Variants in SGIP1 observed in about 807,000 individuals in gnomAD.
The protein encoded by SGIP1 is SH3GL interacting endocytic adaptor 1, also known as SH3-containing GRB2-like protein 3-interacting protein 1.
SGIP1 carries 38 observed loss-of-function variants against 107.5 expected under a neutral mutation model. The observed-to-expected ratio is 0.35, with a 90% CI of 0.27 to 0.46. The LOEUF is 0.46. Among genes scored for constraint, SGIP1 ranks in the 20% least tolerant of loss-of-function variants. SGIP1 has a pLI of 1.00. For missense variants in SGIP1, 929 were observed against 1,019.5 expected, an observed-to-expected ratio of 0.91 and a Z score of 1.21; for synonymous variants, 365 against 366.1, an observed-to-expected ratio of 1.00 and a Z score of 0.03.
chr1:66,569,280 G>T (rs760587271), intron 1 of SGIP1, among the ~76,000 whole-genome samples: 7 of 151,968 alleles, frequency 4.6e-5, no homozygotes, highest in Non-Finnish European at 1.0e-4. Flanking sequence ...AGTAGTGAGA[G>T]AGAACATCCT....
At chr1:66,619,859 T>C (rs543195063) in intron 1 of SGIP1, among the ~76,000 whole-genome samples, 24 of 152,294 alleles carry the variant, frequency 1.6e-4, no homozygotes, top group African/African-American at 5.8e-4. Context: ...TTCATTTGTA[T>C]GGAGAAAAAT....
chr1:66,729,747 T>G (rs1465114835), intron 20 of SGIP1, among the ~76,000 whole-genome samples: 1 of 152,204 alleles, frequency 6.6e-6, no homozygotes, highest in Non-Finnish European at 1.5e-5. Context: ...ATGACAATGG[T>G]GGGAAATGAG....
chr1:66,545,446 A>G (rs2056152850), intron 1 of SGIP1, among the ~76,000 whole-genome samples: 1 of 152,212 alleles, frequency 6.6e-6, no homozygotes, highest in Non-Finnish European at 1.5e-5. Context: ...AGTCAGGCTG[A>G]TCCAGCTTAA....
chr1:66,679,230 A>C (rs2086089984), intron 13 of SGIP1, among the ~76,000 whole-genome samples: 2 of 152,204 alleles, frequency 1.3e-5, no homozygotes, highest in Admixed American at 6.5e-5. Context: ...AACCCCTCAC[A>C]GGAGCCCCCA....
intron 18 of SGIP1, chr1:66,704,760 T>G (rs750943540): frequency 6.6e-6 from 1 of 152,196 alleles, no homozygotes; most frequent in Non-Finnish European, 1.5e-5. Context: ...GAAGAAAGTA[T>G]ACTAGTGATT....
intron 1 of SGIP1, among the ~76,000 whole-genome samples, chr1:66,604,860 C>CTTAGTTT (rs1349908569): frequency 3.3e-5 from 5 of 152,182 alleles, no homozygotes; most frequent in Non-Finnish European, 7.3e-5. Flanking sequence ...CAATCATTCA[C>CTTAGTTT]TTAGTTTTTC....
intron 7 of SGIP1, among the ~76,000 whole-genome samples, chr1:66,657,188 A>G (rs6681263): frequency 0.26 from 39,929 of 151,908 alleles, 5,341 homozygotes; most frequent in Admixed American, 0.28. Flanking sequence ...AAAATATATC[A>G]TATAAATGAA....
At chr1:66,734,309 T>A (rs2094138911) in intron 21 of SGIP1, among the ~76,000 whole-genome samples, 1 of 152,090 alleles carries the variant, frequency 6.6e-6, no homozygotes, top group African/African-American at 2.4e-5. Context: ...TCTAATAAAA[T>A]CTAACACTAA....
chr1:66,686,489 A>C (rs550108514), intron 15 of SGIP1, among the ~76,000 whole-genome samples: 1 of 152,340 alleles, frequency 6.6e-6, no homozygotes, highest in Admixed American at 6.5e-5. Context: ...GGGGGAAATG[A>C]AAATGCAATT....
At chr1:66,589,462 C>T (rs1224186645) in intron 1 of SGIP1, among the ~76,000 whole-genome samples, 1 of 151,756 alleles carries the variant, frequency 6.6e-6, no homozygotes, top group Non-Finnish European at 1.5e-5. Flanking sequence ...GCAAGAGTCC[C>T]TGAAGCAAAT....
chr1:66,604,198 T>A (rs917034660), intron 1 of SGIP1, among the ~76,000 whole-genome samples: 8 of 152,164 alleles, frequency 5.3e-5, no homozygotes, highest in African/African-American at 1.7e-4. Context: ...GGGAGGGACA[T>A]GTTTCTACCG....
chr1:66,739,188 G>C (rs2094364441), intron 21 of SGIP1, 147 bp from the exon 22 acceptor site: 2 of 822,548 alleles, frequency 2.4e-6, no homozygotes, highest in Non-Finnish European at 3.8e-6. Context: ...CAGTTTACTT[G>C]AAGCACCCAG....
In SGIP1 at chr1:66,673,322, T is replaced by C; in HGVS notation, c.602T>C (p.Phe201Ser). Reference protein sequence around the residue: ...PDDTTALAPLFGPPLESAFDE... With the variant: ...PDDTTALAPLSGPPLESAFDE... ...GACACTACGGCCCTTGCTCCTCTCT[T>C]TGGCCCACCACTAGAATCAGCTTTT... is the stretch of plus-strand genomic sequence containing the variant. The change falls in exon 12 of 25, where the codon TTT becomes TCT. Residue 201 changes from phenylalanine (F) to serine (S), a missense_variant. By Grantham distance (155) the Phe-to-Ser change is radical. Around this residue, in one of 2 missense-constraint regions of SGIP1, gnomAD observed 588 missense variants for 588.6 expected, o/e 1.00. Coordinates refer to ENST00000371037, the MANE Select transcript of SGIP1 (RefSeq NM_032291.4). 1 of 1,613,720 alleles carries C rather than the reference T, an allele frequency of 6.2e-7. No individual in the cohort carries two copies. Among genetic ancestry groups the C allele is most frequent in the Non-Finnish European group, 8.5e-7 (1 of 1,179,912 alleles).
chr1:66,656,833 G>C (rs1251384146), intron 7 of SGIP1, among the ~76,000 whole-genome samples: 1 of 152,050 alleles, frequency 6.6e-6, no homozygotes, highest in African/African-American at 2.4e-5. Flanking sequence ...AAATAACTGA[G>C]ACAAAGTGAT....
intron 1 of SGIP1, among the ~76,000 whole-genome samples, chr1:66,609,190 T>C (rs1450817266): frequency 6.6e-6 from 1 of 152,186 alleles, no homozygotes; most frequent in Admixed American, 6.5e-5. Context: ...GCTTAAAATC[T>C]AAAAGAACAA....
At chr1:66,701,244 T>A (rs1392336182) in intron 18 of SGIP1, among the ~76,000 whole-genome samples, 2 of 152,164 alleles carry the variant, frequency 1.3e-5, no homozygotes, top group African/African-American at 4.8e-5. Flanking sequence ...TATGACCAAT[T>A]TTCTGGGGAG....
chr1:66,539,523 C>T (rs941727473), intron 1 of SGIP1, among the ~76,000 whole-genome samples: 3 of 152,170 alleles, frequency 2.0e-5, no homozygotes, highest in African/African-American at 7.2e-5. Flanking sequence ...CATGGCATGA[C>T]TTCCTTGTTT....
At chr1:66,603,576 A>G (rs910187441) in intron 1 of SGIP1, among the ~76,000 whole-genome samples, 1 of 152,158 alleles carries the variant, frequency 6.6e-6, no homozygotes, top group Non-Finnish European at 1.5e-5. Context: ...CAGACCACAC[A>G]CTGTACTGGA....
At chr1:66,608,366 A>G (rs976051017) in intron 1 of SGIP1, among the ~76,000 whole-genome samples, 1 of 152,220 alleles carries the variant, frequency 6.6e-6, no homozygotes, top group Admixed American at 6.5e-5. Flanking sequence ...TAATATTTCT[A>G]ATCTGTAATA....
Sources: gnomAD v4.1 joint callset for allele counts (sites outside exome capture counted in the v4.1 genomes callset) on GRCh38, gnomAD v4.1.1 for gene constraint, gnomAD v4.1.1 regional missense constraint, MANE v1.5 for transcripts, NCBI Gene and HGNC (gene_info 2026-07-23, HGNC 2026-07-21) for gene names.